The following GYG2 variants were observed in gnomAD, a reference collection of about 807,000 sequenced individuals.
GYG2 encodes the protein glycogenin 2.
Under a neutral mutation model 29.4 loss-of-function variants are expected in GYG2, and 29 were observed. The ratio of observed to expected loss-of-function variants is 0.99; its 90% CI spans 0.74 to 1.35. GYG2 has a LOEUF of 1.35. Among genes scored for constraint, GYG2 ranks in the 40% most tolerant of loss-of-function variants. The probability of loss-of-function intolerance (pLI) is 0.00; values close to 1 mark genes in which losing one functional copy is unlikely to be tolerated. For synonymous variants in GYG2, 167 were observed against 172.3 expected, an observed-to-expected ratio of 0.97 and a Z score of 0.24; for missense variants, 370 against 385.7, an observed-to-expected ratio of 0.96 and a Z score of 0.34.
rs75133955 is a variant in GYG2 at position 2,839,032 on chromosome X, G to A, written c.8-4181G>A. ...TGGTGAAGGTGTTTTTCAAATATCT[G>A]GTAATGGTTTATATCTATATGTATA... On this transcript the variant is annotated intron_variant, in intron 2 of 10. Coordinates refer to ENST00000398806, the MANE Select transcript of GYG2 (RefSeq NM_001079855.2). Among the ~76,000 whole-genome samples, 6 of 111,945 alleles carry A rather than the reference G, an allele frequency of 5.4e-5. No homozygotes were observed. In the East Asian group the frequency reaches 1.7e-3, roughly 31 times the overall value.
intron 10 of GYG2, 51 bp downstream of exon 10, chrX:2,877,358 A>G (rs775746302): frequency 1.7e-6 from 2 of 1,193,466 alleles, no homozygotes; most frequent in Non-Finnish European, 2.3e-6. Context: ...GGGGCCATCC[A>G]CCGTCACTGA....
intron 7 of GYG2, among the ~76,000 whole-genome samples, chrX:2,860,266 A>G (rs2088127958): frequency 9.0e-6 from 1 of 111,055 alleles, no homozygotes; most frequent in Non-Finnish European, 1.9e-5. Flanking sequence ...ATGACTGGAG[A>G]TCCTGTTTTG....
Position 2,854,993 on chromosome X carries a change from G to T in GYG2, c.325G>T (p.Val109Leu). 1 of 1,209,806 alleles carries T rather than the reference G, an allele frequency of 8.3e-7. No individual in the cohort carries two copies. The highest frequency in any genetic ancestry group is 1.1e-6 in the Non-Finnish European group (1 of 894,349). ...KCVFLDADTL[V>L]LSNVDELFDR... ...GGTTCTGCGTGTTTTGCTTCACCAG[G>T]TGCTGTCCAATGTCGATGAGCTGTT... Residue 109 changes from valine (V) to leucine (L), a missense_variant and splice_region_variant, in exon 5 of 11, where the codon GTG (valine) becomes TTG (leucine). Val to Leu is a conservative substitution (Grantham distance 32, BLOSUM62 1). Transcript: ENST00000398806.
At chrX:2,852,082 C>T (rs1348360017) in intron 3 of GYG2, among the ~76,000 whole-genome samples, 1 of 110,958 alleles carries the variant, frequency 9.0e-6, no homozygotes, top group Non-Finnish European at 1.9e-5. Flanking sequence ...TTGTGAAACC[C>T]CATTTCTACC....
chrX:2,846,403 A>G (rs1452104992), intron 3 of GYG2, among the ~76,000 whole-genome samples: 2 of 109,911 alleles, frequency 1.8e-5, no homozygotes, highest in African/African-American at 6.6e-5. Context: ...ATAATATTAA[A>G]AAAGCAAACA....
At chrX:2,846,441 G>T (rs7886773) in intron 3 of GYG2, among the ~76,000 whole-genome samples, 3,038 of 110,101 alleles carry the variant, frequency 0.028, 117 homozygotes, top group African/African-American at 0.094. Flanking sequence ...AAGATAAAAT[G>T]ACAAAACTAA....
chrX:2,843,300 G>A lies in GYG2; in HGVS notation c.95G>A (p.Arg32Lys), dbSNP rs2087547798. 1 of 1,194,183 alleles carries A rather than the reference G, an allele frequency of 8.4e-7. No individual in the cohort carries two copies. The highest frequency in any genetic ancestry group is 1.8e-5 in the African/African-American group (1 of 56,813). Residue 32 changes from arginine (R) to lysine (K), a missense_variant, in exon 3 of 11, where the codon AGG becomes AAG. Coordinates refer to ENST00000398806, the MANE Select transcript of GYG2 (RefSeq NM_001079855.2). ...CTGGGGCAGTCACTGAGGAGACACA[G>A]GCTGACGAGGAAGCTGGTGGTGTTG... ...LVLGQSLRRH[R>K]LTRKLVVLIT...
At chrX:2,855,775 A>G (rs757452814) in intron 5 of GYG2, among the ~76,000 whole-genome samples, 1 of 111,162 alleles carries the variant, frequency 9.0e-6, no homozygotes, top group African/African-American at 3.3e-5. Flanking sequence ...AAAATACAAA[A>G]ATAAGCTGGA....
At chrX:2,866,995 C>G in intron 8 of GYG2, among the ~76,000 whole-genome samples, 1 of 110,066 alleles carries the variant, frequency 9.1e-6, no homozygotes, top group Non-Finnish European at 1.9e-5. Flanking sequence ...ATTGGAGAAT[C>G]GCCGGTTTCC....
intron 6 of GYG2, among the ~76,000 whole-genome samples, chrX:2,857,708 A>G (rs1603459464): frequency 9.0e-6 from 1 of 110,751 alleles, no homozygotes; most frequent in African/African-American, 3.3e-5. Context: ...ACACACACAC[A>G]TCTCGTTTCC....
intron 2 of GYG2, among the ~76,000 whole-genome samples, chrX:2,832,603 C>T (rs887462609): frequency 9.0e-6 from 1 of 111,271 alleles, no homozygotes; most frequent in Non-Finnish European, 1.9e-5. Flanking sequence ...GGTGCAATAT[C>T]GGCTCACTGC....
rs1346057405 is a variant in GYG2 at position 2,838,025 on chromosome X, GT to G, written c.8-5187del. Among the ~76,000 whole-genome samples, 3 of 89,413 alleles carry G rather than the reference GT, an allele frequency of 3.4e-5. No individual in the cohort carries two copies. In the East Asian group the frequency reaches 1.2e-3, roughly 35 times the overall value. The allele number at this position is 89,413 out of a possible 115,157, so 77.6% of individuals were successfully genotyped here. A position where few individuals can be genotyped will look rare whatever the true frequency, so the allele number is the denominator to read the frequency against. On this transcript the variant is annotated intron_variant, in intron 2 of 10. Transcript: ENST00000398806. The stretch of plus-strand genomic sequence containing the variant: ...CCCAAGTAGCTGGGACTACAGGCAT[GT>G]GCCAAAAAAAAAAAAATTAAATTAA...
chrX:2,878,562 G>A (rs1458429252), intron 10 of GYG2, among the ~76,000 whole-genome samples: 4 of 111,575 alleles, frequency 3.6e-5, no homozygotes, highest in Non-Finnish European at 7.5e-5. Context: ...GAGCCACCGC[G>A]CCCAGCCTGA....
rs2087236331 is a variant in GYG2 at position 2,830,313 on chromosome X, TCCC to T, written c.7+121_7+123del. On this transcript the variant is annotated intron_variant, in intron 2 of 10. Coordinates refer to ENST00000398806, the MANE Select transcript of GYG2 (RefSeq NM_001079855.2). ...GCAGGATTGCCCCAAACCCCGAGTC[TCCC>T]CCTTACTGCCTCGCCCAGGTCTCTC... The T allele has an allele frequency of 4.5e-5, 29 of 639,816 alleles. No individual in the cohort carries two copies. The East Asian group carries it at 1.0e-3, about 22-fold the overall frequency. The allele number at this position is 639,816 out of a possible 1,213,427, so 52.7% of individuals were successfully genotyped here. A position where few individuals can be genotyped will look rare whatever the true frequency, so the allele number is the denominator to read the frequency against.
At chrX:2,834,716 A>G (rs1413267747) in intron 2 of GYG2, among the ~76,000 whole-genome samples, 1 of 110,906 alleles carries the variant, frequency 9.0e-6, no homozygotes, top group East Asian at 2.8e-4. Flanking sequence ...CTGCCCCTTC[A>G]CCTTCTTTGT....
At chrX:2,877,827 T>C in intron 10 of GYG2, 1 of 751,078 alleles carries the variant, frequency 1.3e-6, no homozygotes, top group East Asian at 1.5e-4. Context: ...ACGTTTTCTC[T>C]TGCTCTTTAA....
At chrX:2,863,744 C>G (rs771987555) in intron 8 of GYG2, among the ~76,000 whole-genome samples, 9 of 111,649 alleles carry the variant, frequency 8.1e-5, no homozygotes, top group South Asian at 3.8e-4. Flanking sequence ...TTTTTCATTC[C>G]TCATGGTGTG....
At chrX:2,845,711 G>A (rs1356013235) in intron 3 of GYG2, among the ~76,000 whole-genome samples, 1 of 105,043 alleles carries the variant, frequency 9.5e-6, no homozygotes, top group Non-Finnish European at 1.9e-5. Context: ...GCATGTGTAT[G>A]TACATATATT....
At chrX:2,861,029 CTT>C (rs1200287601) in intron 7 of GYG2, among the ~76,000 whole-genome samples, 7 of 101,845 alleles carry the variant, frequency 6.9e-5, no homozygotes, top group Non-Finnish European at 6.1e-5. Context: ...CAAGCCCGGC[CTT>C]TTTTTTTTTT....
Sources: allele counts gnomAD v4.1 joint callset (sites outside exome capture counted in the v4.1 genomes callset), GRCh38; gene constraint gnomAD v4.1.1; transcripts MANE v1.5; gene names NCBI Gene and HGNC (gene_info 2026-07-23, HGNC 2026-07-21).